Variants in CSMD2 observed in about 807,000 individuals in gnomAD.
The protein encoded by CSMD2 is CUB and Sushi multiple domains 2.
CSMD2 carries 130 observed loss-of-function variants against 398.5 expected under a neutral mutation model. The observed-to-expected ratio is 0.33, with a 90% confidence interval of 0.28 to 0.38. The LOEUF is 0.38. CSMD2 is among the 10% of genes least tolerant of loss of function. The pLI is 1.00. For missense variants in CSMD2, 3,829 were observed against 4,764.9 expected (o/e 0.80, Z 5.78); for synonymous variants, 1,828 against 1,908.5 (o/e 0.96, Z 1.10).
intron 3 of CSMD2, among the ~76,000 whole-genome samples, chr1:33,953,500 G>A (rs1645071117): frequency 6.6e-6 from 1 of 152,108 alleles, no homozygotes; most frequent in Non-Finnish European, 1.5e-5. Context: ...CCCTCTCTAA[G>A]CTTGCAGTAG....
intron 12 of CSMD2, among the ~76,000 whole-genome samples, chr1:33,782,270 G>A (rs994664821): frequency 6.6e-6 from 1 of 152,166 alleles, no homozygotes; most frequent in Non-Finnish European, 1.5e-5. Context: ...GGCTAAAATG[G>A]AGGCAGAGGT....
chr1:33,645,480 C>A (rs1643376235), intron 29 of CSMD2, among the ~76,000 whole-genome samples: 1 of 151,786 alleles, frequency 6.6e-6, no homozygotes, highest in Non-Finnish European at 1.5e-5. Context: ...AGATGATGTT[C>A]CAAGAGATAA....
intron 3 of CSMD2, among the ~76,000 whole-genome samples, chr1:33,950,246 T>G (rs750052936): frequency 3.3e-5 from 5 of 152,040 alleles, no homozygotes; most frequent in Admixed American, 3.3e-4. Context: ...TAAAAGCGCT[T>G]CAGTTGGTGT....
At chr1:33,666,541 A>G (rs1452003903) in intron 25 of CSMD2, among the ~76,000 whole-genome samples, 4 of 148,632 alleles carry the variant, frequency 2.7e-5, no homozygotes, top group East Asian at 2.0e-4. Context: ...AGATATATAT[A>G]TGTGTGTGTG....
chr1:33,761,498 G>C (rs1348273634), intron 13 of CSMD2, among the ~76,000 whole-genome samples: 1 of 152,192 alleles, frequency 6.6e-6, no homozygotes, highest in African/African-American at 2.4e-5. Context: ...TAATCCAAGA[G>C]CTCAAGCCTT....
chr1:34,008,138 G>C (rs534999019), intron 3 of CSMD2, among the ~76,000 whole-genome samples: 1 of 152,314 alleles, frequency 6.6e-6, no homozygotes, highest in East Asian at 1.9e-4. Flanking sequence ...CCAACTCCAA[G>C]TGGGCACAGG....
At position 34,159,989 on chromosome 1, in the gene CSMD2, G is replaced by A. The variant is rs1349508050; in HGVS notation, c.187+4922C>T. Among the ~76,000 whole-genome samples, 9 of 152,314 alleles carry A rather than the reference G, an allele frequency of 5.9e-5. No individual in the cohort carries two copies. The East Asian group carries it at 1.5e-3, about 26-fold the overall frequency. On this transcript the variant is annotated intron_variant, in intron 1 of 70. Transcript: ENST00000373381. Reference sequence around the variant, plus strand: ...AGCAGGGAGACTGAGCCCTAGAGAGGCCTGAAGATCAGCTGGGTCTCCAGC... The same window carrying A: ...AGCAGGGAGACTGAGCCCTAGAGAGACCTGAAGATCAGCTGGGTCTCCAGC...
intron 4 of CSMD2, among the ~76,000 whole-genome samples, chr1:33,918,601 T>C (rs1419220028): frequency 6.6e-6 from 1 of 152,136 alleles, no homozygotes; most frequent in African/African-American, 2.4e-5. Flanking sequence ...CATATGAACG[T>C]GCAAGGCATG....
intron 44 of CSMD2, among the ~76,000 whole-genome samples, chr1:33,592,790 G>A (rs1329421733): frequency 6.6e-6 from 1 of 151,950 alleles, no homozygotes. Context: ...TCTACTGAAT[G>A]TACAAAAAAT....
At chr1:34,025,252 CAGGG>C (rs1213190828) in intron 3 of CSMD2, among the ~76,000 whole-genome samples, 1 of 145,078 alleles carries the variant, frequency 6.9e-6, no homozygotes, top group African/African-American at 2.6e-5. Context: ...AAAAGCATAC[CAGGG>C]TTTTGTCTTT....
chr1:33,547,840 T>A (rs937829019), intron 56 of CSMD2, among the ~76,000 whole-genome samples: 21 of 152,226 alleles, frequency 1.4e-4, no homozygotes, highest in African/African-American at 5.1e-4. Flanking sequence ...CAGCTGGAGC[T>A]AGCACTATTG....
intron 9 of CSMD2, among the ~76,000 whole-genome samples, chr1:33,818,767 C>G (rs1657764888): frequency 6.6e-6 from 1 of 152,186 alleles, no homozygotes; most frequent in Non-Finnish European, 1.5e-5. Flanking sequence ...TACTTATGGA[C>G]TCAGTTAAAA....
chr1:33,745,027 T>C (rs1190525963), intron 13 of CSMD2, among the ~76,000 whole-genome samples: 1 of 152,154 alleles, frequency 6.6e-6, no homozygotes, highest in African/African-American at 2.4e-5. Flanking sequence ...AATTTTATTA[T>C]AGAGGAAAAA....
At chr1:34,155,492 G>A (rs1310645532) in intron 1 of CSMD2, among the ~76,000 whole-genome samples, 1 of 152,200 alleles carries the variant, frequency 6.6e-6, no homozygotes, top group Non-Finnish European at 1.5e-5. Flanking sequence ...CTGCCCAGGG[G>A]TGGGTGGTGG....
intron 5 of CSMD2, among the ~76,000 whole-genome samples, chr1:33,866,691 C>T (rs1343378926): frequency 6.6e-6 from 1 of 152,226 alleles, no homozygotes; most frequent in Non-Finnish European, 1.5e-5. Context: ...TCCTGCTCTT[C>T]CTGCCCTCTC....
chr1:33,845,340 G>C (rs958279664), intron 6 of CSMD2, among the ~76,000 whole-genome samples: 6 of 152,214 alleles, frequency 3.9e-5, no homozygotes, highest in African/African-American at 1.4e-4. Context: ...GGGGAGTACT[G>C]AGTGGGGCAA....
chr1:34,023,207 A>G (rs2148120033), intron 3 of CSMD2, among the ~76,000 whole-genome samples: 1 of 152,298 alleles, frequency 6.6e-6, no homozygotes, highest in African/African-American at 2.4e-5. Context: ...CTTTGCTCCC[A>G]AGCATCCAAT....
intron 3 of CSMD2, among the ~76,000 whole-genome samples, chr1:33,980,110 C>T (rs1646114315): frequency 6.6e-6 from 1 of 152,134 alleles, no homozygotes; most frequent in African/African-American, 2.4e-5. Context: ...GGCCAGAACC[C>T]TCAACTCTTA....
chr1:33,828,912 C>T (rs1659137192), intron 6 of CSMD2, among the ~76,000 whole-genome samples: 1 of 152,190 alleles, frequency 6.6e-6, no homozygotes, highest in Admixed American at 6.5e-5. Context: ...TCTTTTACTT[C>T]CTGCTACTTA....
Sources: allele counts gnomAD v4.1 joint callset (sites outside exome capture counted in the v4.1 genomes callset), GRCh38; gene constraint gnomAD v4.1.1; transcripts MANE v1.5; gene names NCBI Gene and HGNC (gene_info 2026-07-23, HGNC 2026-07-21).